The following DGKB variants were observed in gnomAD, a reference collection of about 807,000 sequenced individuals.
The protein encoded by DGKB is diacylglycerol kinase beta, also known as 90 kDa diacylglycerol kinase.
In DGKB, 67 loss-of-function variants were observed where a neutral mutation model predicts 114.3. That is an observed-to-expected ratio of 0.59 (90% CI 0.48 to 0.72). The LOEUF is 0.72. DGKB is among the 30% of genes least tolerant of loss of function. DGKB has a pLI of 0.00. For synonymous variants in DGKB, 398 were observed against 323.1 expected, an observed-to-expected ratio of 1.23 and a Z score of -2.49; for missense variants, 907 against 975.2, an observed-to-expected ratio of 0.93 and a Z score of 0.93.
chr7:14,874,465 A>C (rs1287808087), intron 1 of DGKB, among the ~76,000 whole-genome samples: 3 of 152,192 alleles, frequency 2.0e-5, no homozygotes, highest in South Asian at 4.1e-4. Flanking sequence ...AATCTATGAG[A>C]ATCCCAATTT....
intron 2 of DGKB, among the ~76,000 whole-genome samples, chr7:14,801,886 GTATA>G (rs990973713): frequency 2.0e-5 from 3 of 149,018 alleles, no homozygotes; most frequent in African/African-American, 5.0e-5. Context: ...ATGTGTGTGT[GTATA>G]TATATATACA....
At chr7:14,256,872 T>A (rs779964320) in intron 23 of DGKB, among the ~76,000 whole-genome samples, 2 of 152,196 alleles carry the variant, frequency 1.3e-5, no homozygotes, top group Admixed American at 1.3e-4. Context: ...AATTAAATTA[T>A]GAGAATAACT....
intron 23 of DGKB, among the ~76,000 whole-genome samples, chr7:14,236,078 T>G (rs1218464249): frequency 6.6e-6 from 1 of 152,086 alleles, no homozygotes; most frequent in Non-Finnish European, 1.5e-5. Context: ...AAAATTACTG[T>G]AAAATATGTA....
chr7:14,555,329 G>T (rs914629104), intron 20 of DGKB, among the ~76,000 whole-genome samples: 16 of 152,104 alleles, frequency 1.1e-4, no homozygotes, highest in Middle Eastern at 6.8e-3. Flanking sequence ...TTGTGCCACC[G>T]TATTTTAGTT....
chr7:14,806,008 A>C (rs1406968211), intron 2 of DGKB, among the ~76,000 whole-genome samples: 1 of 151,740 alleles, frequency 6.6e-6, no homozygotes, highest in African/African-American at 2.4e-5. Context: ...GAATATTTAT[A>C]TATATTCTAG....
In DGKB at chr7:14,162,652, T is replaced by G. The variant is rs183789331; in HGVS notation, c.2305-13414A>C. Among the ~76,000 whole-genome samples the G allele has an allele frequency of 1.3e-3, 193 of 152,280 alleles. 1 individual carries two copies. Among genetic ancestry groups the G allele is most frequent in the African/African-American group, 4.3e-3 (178 of 41,562 alleles). On this transcript the variant is annotated intron_variant, in intron 25 of 25. Coordinates refer to ENST00000402815, the MANE Select transcript of DGKB (RefSeq NM_001350709.2). ...ACTAATGACTAGATTAATTCAGGTT[T>G]CAAAATAAAGAATAAAAGAAAAACT...
intron 2 of DGKB, among the ~76,000 whole-genome samples, chr7:14,836,085 T>C (rs149037900): frequency 6.6e-6 from 1 of 152,290 alleles, no homozygotes; most frequent in Non-Finnish European, 1.5e-5. Context: ...GTAGTTTATG[T>C]TACATTACGA....
intron 4 of DGKB, among the ~76,000 whole-genome samples, chr7:14,753,412 T>C (rs1334212788): frequency 6.6e-6 from 1 of 152,176 alleles, no homozygotes; most frequent in Non-Finnish European, 1.5e-5. Flanking sequence ...GGGAGAGTGG[T>C]TGAAGCAACA....
At chr7:14,437,492 A>G (rs189509160) in intron 21 of DGKB, among the ~76,000 whole-genome samples, 120 of 152,210 alleles carry the variant, frequency 7.9e-4, no homozygotes, top group Middle Eastern at 3.4e-3. Context: ...TCTTAAAAGT[A>G]TGCTAAATAT....
rs374507021 is a variant in DGKB, at chr7:14,616,067, T to C, written c.1285-2654A>G. On this transcript the variant is annotated intron_variant, in intron 15 of 25. Transcript: ENST00000402815. ...AAAAACTCTCAAATTTACAGAAAAG[T>C]TGCAATGACTCTCAATTAACTTTTT... is the stretch of plus-strand genomic sequence containing the variant. 3.0e-3 allele frequency among the ~76,000 whole-genome samples: 452 copies of C among 150,976 alleles called. 1 individual carries two copies. The highest frequency in any genetic ancestry group is 0.014 in the Middle Eastern group (4 of 292).
At chr7:14,159,558 G>A (rs1047343712) in intron 25 of DGKB, among the ~76,000 whole-genome samples, 13 of 151,982 alleles carry the variant, frequency 8.6e-5, no homozygotes, top group African/African-American at 3.1e-4. Context: ...TCTTTTTTTG[G>A]TTCACTTTGT....
At chr7:14,946,669 G>A (rs575914807) in intron 1 of DGKB, among the ~76,000 whole-genome samples, 7 of 151,748 alleles carry the variant, frequency 4.6e-5, no homozygotes, top group African/African-American at 1.7e-4. Context: ...GGGAAACAAG[G>A]AAGTTTTCAA....
At chr7:14,913,313 C>G (rs1287278962) in intron 1 of DGKB, among the ~76,000 whole-genome samples, 1 of 151,786 alleles carries the variant, frequency 6.6e-6, no homozygotes, top group Non-Finnish European at 1.5e-5. Flanking sequence ...CACATGCATA[C>G]TGAGCAGTTA....
intron 23 of DGKB, among the ~76,000 whole-genome samples, chr7:14,218,289 C>G (rs1274343138): frequency 6.6e-6 from 1 of 152,062 alleles, no homozygotes; most frequent in Non-Finnish European, 1.5e-5. Flanking sequence ...TCTAGCTTAA[C>G]TTAGCTATGA....
chr7:14,497,026 G>A (rs1785398454), intron 20 of DGKB, among the ~76,000 whole-genome samples: 1 of 151,734 alleles, frequency 6.6e-6, no homozygotes, highest in African/African-American at 2.4e-5. Flanking sequence ...ATGAAATAAT[G>A]TCTTTTGCAG....
In DGKB at chr7:14,629,491, A is replaced by G. The variant is rs578011090; in HGVS notation, c.1167+745T>C. Among the ~76,000 whole-genome samples the G allele has an allele frequency of 1.3e-3, 193 of 152,148 alleles. 2 individuals carry two copies. The highest frequency in any genetic ancestry group is 2.5e-3 in the Non-Finnish European group (172 of 67,934). ...ATCCTCTAAATAAATTCATAATCTTATGTAGCATTCATATAAGCAATACTT... is the reference window on the plus strand; with the variant it reads ...ATCCTCTAAATAAATTCATAATCTTGTGTAGCATTCATATAAGCAATACTT... On this transcript the variant is annotated intron_variant, in intron 14 of 25. Coordinates refer to ENST00000402815, the MANE Select transcript of DGKB (RefSeq NM_001350709.2).
intron 2 of DGKB, among the ~76,000 whole-genome samples, chr7:14,770,396 G>T (rs1486031748): frequency 1.3e-5 from 2 of 152,070 alleles, no homozygotes; most frequent in Admixed American, 6.6e-5. Flanking sequence ...GGGATTCTCT[G>T]TTATAAAGAA....
At chr7:14,253,893 A>C (rs886142572) in intron 23 of DGKB, among the ~76,000 whole-genome samples, 2 of 152,214 alleles carry the variant, frequency 1.3e-5, no homozygotes, top group Non-Finnish European at 2.9e-5. Context: ...AGATCATATT[A>C]AAATGAATGA....
chr7:14,697,636 T>C (rs1204102264), intron 8 of DGKB, among the ~76,000 whole-genome samples: 5 of 126,758 alleles, frequency 3.9e-5, no homozygotes, highest in Non-Finnish European at 8.3e-5. Context: ...GACAGGAATA[T>C]ATCAGGGTCC....
Sources: allele counts gnomAD v4.1 joint callset (sites outside exome capture counted in the v4.1 genomes callset), GRCh38; gene constraint gnomAD v4.1.1; transcripts MANE v1.5; gene names NCBI Gene and HGNC (gene_info 2026-07-23, HGNC 2026-07-21).